Variants in NUP58 observed in about 807,000 individuals in gnomAD.
The protein encoded by NUP58 is nucleoporin 58, also known as nucleoporin p58/p45.
In NUP58, 17 loss-of-function variants were observed where a neutral mutation model predicts 70.1. The observed-to-expected ratio is 0.24, with a 90% CI of 0.17 to 0.36. The LOEUF (loss-of-function observed/expected upper bound fraction) is 0.36, where lower values mean the gene tolerates loss of function less well. Ranked by LOEUF, NUP58 falls within the 10% of genes least tolerant of loss-of-function variation. NUP58 has a pLI of 1.00. For synonymous variants in NUP58, 275 were observed against 257.6 expected (o/e 1.07, Z -0.65); for missense variants, 644 against 701.5 (o/e 0.92, Z 0.93).
chr13:25,303,040 A>G (rs1267909596), intron 1 of NUP58: 13 of 456,326 alleles, frequency 2.8e-5, no homozygotes, highest in South Asian at 2.0e-4. Context: ...TGATCCTTAC[A>G]TTCTTATGAA....
chr13:25,301,984 C>A, intron 1 of NUP58, 104 bp downstream of exon 1: 1 of 755,314 alleles, frequency 1.3e-6, no homozygotes, highest in Non-Finnish European at 2.1e-6. Flanking sequence ...GGCTTCCTTC[C>A]CAGTGGGGCT....
intron 12 of NUP58, among the ~76,000 whole-genome samples, chr13:25,330,065 G>T (rs2031549554): frequency 6.6e-6 from 1 of 152,122 alleles, no homozygotes; most frequent in African/African-American, 2.4e-5. Flanking sequence ...TGGCCTCAAG[G>T]AGTCCTCCTG....
chr13:25,331,901 T>C (rs1037885174), intron 13 of NUP58: 1 of 1,084,128 alleles, frequency 9.2e-7, no homozygotes, highest in African/African-American at 1.6e-5. Context: ...TTTATTGTTT[T>C]AAAGTCAGAG....
At chr13:25,336,294 A>G (rs1315131449) in intron 13 of NUP58, 4 of 1,314,664 alleles carry the variant, frequency 3.0e-6, no homozygotes, top group Non-Finnish European at 3.1e-6. Flanking sequence ...TTGTCATGTT[A>G]CTGTGTAATT....
At chr13:25,317,120 A>G (rs976851438) in intron 6 of NUP58, among the ~76,000 whole-genome samples, 2 of 152,078 alleles carry the variant, frequency 1.3e-5, no homozygotes, top group African/African-American at 4.8e-5. Flanking sequence ...ATTTAACCAG[A>G]TAGAGAGTAG....
intron 2 of NUP58, among the ~76,000 whole-genome samples, chr13:25,308,913 T>C (rs538738777): frequency 6.6e-6 from 1 of 152,354 alleles, no homozygotes; most frequent in East Asian, 1.9e-4. Context: ...CAGGAATAAA[T>C]ATGAGCAGAT....
At position 25,337,027 on chromosome 13, in the gene NUP58, C is replaced by T. The variant is rs761118042; in HGVS notation, c.1527C>T (p.Asn509=). Residue 509 remains asparagine (N), a synonymous_variant, in exon 14 of 16, where the codon AAC becomes AAT. Transcript: ENST00000381736. ...GLQSSGLGSS[N]LGGFGTSSGF... ...AATCAAGTGGCTTAGGTTCTTCAAACCTTGGAGGTACACTTTAACTTTTCT... is the reference window on the plus strand; with the variant it reads ...AATCAAGTGGCTTAGGTTCTTCAAATCTTGGAGGTACACTTTAACTTTTCT... 1 of 1,594,302 alleles carries T rather than the reference C, an allele frequency of 6.3e-7. No individual in the cohort carries two copies. Among genetic ancestry groups the T allele is most frequent in the South Asian group, 1.1e-5 (1 of 88,416 alleles).
intron 13 of NUP58, chr13:25,334,871 G>T (rs1451245218): frequency 2.0e-6 from 2 of 984,456 alleles, no homozygotes; most frequent in African/African-American, 3.5e-5. Context: ...ACTTTGGCCA[G>T]TCATTGGTAT....
intron 13 of NUP58, chr13:25,332,202 T>C: frequency 1.0e-6 from 1 of 985,684 alleles, no homozygotes; most frequent in Non-Finnish European, 1.2e-6. Context: ...GATTGCACAT[T>C]AAGGAGCAAC....
At chr13:25,347,075 A>G (rs965892152), downstream of NUP58, among the ~76,000 whole-genome samples, 13 of 152,146 alleles carry the variant, frequency 8.5e-5, no homozygotes, top group African/African-American at 3.1e-4. Context: ...TTTTATACAC[A>G]TAGCCTGAGG....
chr13:25,301,934 G>A, intron 1 of NUP58, 54 bp downstream of exon 1: 2 of 1,018,276 alleles, frequency 2.0e-6, no homozygotes, highest in South Asian at 1.5e-5. Context: ...CCCCACCCCC[G>A]CAAAGCTCCC....
chr13:25,302,198 G>A (rs1015916817), intron 1 of NUP58, among the ~76,000 whole-genome samples: 1 of 152,254 alleles, frequency 6.6e-6, no homozygotes, highest in Non-Finnish European at 1.5e-5. Flanking sequence ...GAGCTTTAGC[G>A]ATGTGTCAGT....
chr13:25,308,755 G>A (rs1185787942), intron 2 of NUP58, among the ~76,000 whole-genome samples: 2 of 152,130 alleles, frequency 1.3e-5, no homozygotes, highest in South Asian at 2.1e-4. Flanking sequence ...TGTTTCACTG[G>A]AGCTGACCAT....
chr13:25,304,494 A>C (rs1407525363), intron 1 of NUP58, among the ~76,000 whole-genome samples: 1 of 92,348 alleles, frequency 1.1e-5, no homozygotes. Flanking sequence ...ATATATATAT[A>C]TATATATATA....
intron 9 of NUP58, among the ~76,000 whole-genome samples, chr13:25,322,395 TC>T (rs1474003302): frequency 6.6e-6 from 1 of 152,226 alleles, no homozygotes; most frequent in Non-Finnish European, 1.5e-5. Flanking sequence ...TCCTCAGACT[TC>T]CTGGTCTCTT....
At chr13:25,327,121 T>C in intron 11 of NUP58, 87 bp downstream of exon 11, 1 of 710,580 alleles carries the variant, frequency 1.4e-6, no homozygotes, top group Non-Finnish European at 2.4e-6. Flanking sequence ...GGATAACTAC[T>C]GGTAGCCCCT....
At chr13:25,344,375 A>G (rs903481726), downstream of NUP58, among the ~76,000 whole-genome samples, 1 of 152,196 alleles carries the variant, frequency 6.6e-6, no homozygotes, top group Non-Finnish European at 1.5e-5. Context: ...GGTTATACTA[A>G]TAATATAATC....
chr13:25,305,143 T>TTGTTTGTTTG (rs1555253615), intron 1 of NUP58, among the ~76,000 whole-genome samples: 1 of 10,306 alleles, frequency 9.7e-5, no homozygotes, highest in Non-Finnish European at 5.5e-4. Context: ...TTTTTTTTTT[T>TTGTTTGTTTG]TTTTTTTTTT....
At position 25,301,860 on chromosome 13, in the gene NUP58, C is replaced by T. The variant is rs746639556; in HGVS notation, c.87C>T (p.Ser29=). ...AGGTSTGGVF[S]FGTGASSNPS... is the part of the protein sequence containing the mutation. ...GGACCAGCACAGGCGGCGTTTTCTCCTTCGGAACGGGAGCGTCTAGGTAAC... is the reference window on the plus strand; with the variant it reads ...GGACCAGCACAGGCGGCGTTTTCTCTTTCGGAACGGGAGCGTCTAGGTAAC... The change falls in exon 1 of 16, where the codon TCC becomes TCT. Residue 29 remains serine, a synonymous_variant. Transcript: ENST00000381736. The T allele has an allele frequency of 6.8e-6, 11 of 1,613,106 alleles. No homozygotes were observed. Among genetic ancestry groups the T allele is most frequent in the Admixed American group, 1.7e-5 (1 of 59,934 alleles).
Sources: allele counts gnomAD v4.1 joint callset (sites outside exome capture counted in the v4.1 genomes callset), GRCh38; gene constraint gnomAD v4.1.1; transcripts MANE v1.5; gene names NCBI Gene and HGNC (gene_info 2026-07-23, HGNC 2026-07-21).